Variants in LDLRAD4 observed in about 807,000 individuals in gnomAD.
LDLRAD4 encodes low density lipoprotein receptor class A domain containing 4.
In LDLRAD4, 5 loss-of-function variants were observed where a neutral mutation model predicts 17.0. The ratio of observed to expected loss-of-function variants is 0.29; its 90% CI spans 0.15 to 0.62. LDLRAD4 has a LOEUF of 0.62. Among genes scored for constraint, LDLRAD4 ranks in the 20% least tolerant of loss-of-function variants. LDLRAD4 has a pLI of 0.84. For missense variants in LDLRAD4, 340 were observed against 424.7 expected (o/e 0.80, Z 1.75); for synonymous variants, 168 against 171.8 (o/e 0.98, Z 0.17).
chr18:13,380,418 G>C (rs907436474), intron 1 of LDLRAD4, among the ~76,000 whole-genome samples: 4 of 152,170 alleles, frequency 2.6e-5, no homozygotes, highest in Non-Finnish European at 5.9e-5. Flanking sequence ...CCAGACACCT[G>C]GTTCCAGCCC....
At chr18:13,373,820 T>C (rs1483860488) in intron 1 of LDLRAD4, among the ~76,000 whole-genome samples, 1 of 152,238 alleles carries the variant, frequency 6.6e-6, no homozygotes. Flanking sequence ...TTTTACCTTG[T>C]ACATTTTCAT....
intron 2 of LDLRAD4, among the ~76,000 whole-genome samples, chr18:13,414,433 G>A (rs999226990): frequency 2.0e-5 from 3 of 152,238 alleles, no homozygotes; most frequent in Admixed American, 6.5e-5. Flanking sequence ...AGAGGCCAGA[G>A]GACAGGCAGG....
intron 3 of LDLRAD4, among the ~76,000 whole-genome samples, chr18:13,574,261 T>A (rs1250028116): frequency 6.6e-6 from 1 of 152,146 alleles, no homozygotes; most frequent in East Asian, 1.9e-4. Flanking sequence ...TAGAAAGCCT[T>A]TTAGGGAAAA....
intron 3 of LDLRAD4, among the ~76,000 whole-genome samples, chr18:13,473,604 T>G (rs1312056810): frequency 7.4e-6 from 1 of 134,758 alleles, no homozygotes; most frequent in African/African-American, 2.8e-5. Flanking sequence ...GTCACTACAC[T>G]CCAGTCTGGG....
intron 1 of LDLRAD4, among the ~76,000 whole-genome samples, chr18:13,376,067 G>A (rs2084886857): frequency 1.3e-5 from 2 of 152,148 alleles, no homozygotes; most frequent in African/African-American, 4.8e-5. Flanking sequence ...TGAGGGAACT[G>A]TGTTCACTTC....
chr18:13,583,267 T>C lies in LDLRAD4; in HGVS notation c.182-37850T>C, dbSNP rs186943864. Among the ~76,000 whole-genome samples, 339 of 152,336 alleles carry C rather than the reference T, an allele frequency of 2.2e-3. 2 individuals are homozygous for C. The highest frequency in any genetic ancestry group is 7.8e-4 in the Non-Finnish European group (53 of 68,024). ...TATTTCTTTTATATTCTCTCATTTT[T>C]TTCTAAAACACTGTGAAATTGTTAG... On this transcript the variant is annotated intron_variant, in intron 3 of 5. Transcript: ENST00000359446.
At chr18:13,236,172 G>A (rs544130832) in intron 1 of LDLRAD4, among the ~76,000 whole-genome samples, 37 of 152,244 alleles carry the variant, frequency 2.4e-4, no homozygotes, top group Middle Eastern at 3.4e-3. Flanking sequence ...TCTGGCACCC[G>A]TCGCTCCCGA....
intron 1 of LDLRAD4, among the ~76,000 whole-genome samples, chr18:13,254,641 T>C (rs1405164712): frequency 6.6e-6 from 1 of 152,190 alleles, no homozygotes; most frequent in Non-Finnish European, 1.5e-5. Flanking sequence ...GAAACAAAAA[T>C]GTCCACCTGT....
intron 1 of LDLRAD4, among the ~76,000 whole-genome samples, chr18:13,230,813 C>T (rs1019728086): frequency 6.6e-6 from 1 of 152,188 alleles, no homozygotes; most frequent in Admixed American, 6.5e-5. Flanking sequence ...GCTCCTTTGC[C>T]GCCCTGACTC....
intron 3 of LDLRAD4, among the ~76,000 whole-genome samples, chr18:13,610,265 A>ATTTTTTTTTTTTTTTTTTTTTTTTTT (rs1157718015): frequency 1.6e-5 from 1 of 62,480 alleles, no homozygotes; most frequent in African/African-American, 5.4e-5. Flanking sequence ...CAAAGCCCTA[A>ATTTTTTTTTTTTTTTTTTTTTTTTTT]TTTTTTTTTT....
At chr18:13,328,472 G>T (rs911366572) in intron 1 of LDLRAD4, among the ~76,000 whole-genome samples, 3 of 152,200 alleles carry the variant, frequency 2.0e-5, no homozygotes, top group Non-Finnish European at 4.4e-5. Context: ...CTGGCCGGAG[G>T]CTACACTTCC....
At chr18:13,314,984 G>A (rs1340618891) in intron 1 of LDLRAD4, among the ~76,000 whole-genome samples, 1 of 152,152 alleles carries the variant, frequency 6.6e-6, no homozygotes, top group African/African-American at 2.4e-5. Context: ...AGAATGCTGG[G>A]ATAACAGATG....
At chr18:13,465,294 G>A (rs1274675350) in intron 3 of LDLRAD4, among the ~76,000 whole-genome samples, 1 of 152,214 alleles carries the variant, frequency 6.6e-6, no homozygotes, top group African/African-American at 2.4e-5. Context: ...CTCAGGCTGC[G>A]TGTTTCATTG....
intron 3 of LDLRAD4, among the ~76,000 whole-genome samples, chr18:13,481,195 G>A (rs910913136): frequency 6.6e-6 from 1 of 152,172 alleles, no homozygotes; most frequent in African/African-American, 2.4e-5. Flanking sequence ...TCAGAAGATG[G>A]GCAAATTCTT....
intron 1 of LDLRAD4, among the ~76,000 whole-genome samples, chr18:13,281,541 G>A (rs968071820): frequency 1.3e-5 from 2 of 152,230 alleles, no homozygotes; most frequent in African/African-American, 4.8e-5. Context: ...TCCTGCAGGG[G>A]GTGCCCCGAG....
At chr18:13,609,869 C>G (rs2039326807) in intron 3 of LDLRAD4, among the ~76,000 whole-genome samples, 1 of 152,156 alleles carries the variant, frequency 6.6e-6, no homozygotes, top group Non-Finnish European at 1.5e-5. Context: ...GTAATCCCAG[C>G]TACTCGGGAA....
chr18:13,262,028 GTGGCTCTGTGCATGGAAACTGAGTCC>G (rs2043851986), intron 1 of LDLRAD4, among the ~76,000 whole-genome samples: 1 of 151,282 alleles, frequency 6.6e-6, no homozygotes, highest in Admixed American at 6.6e-5. Context: ...TGAGTCCCGT[GTGGCTCTGTGCATGGAAACTGAGTCC>G]CGTGCGGCTC....
rs141431171 is a variant in LDLRAD4, at chr18:13,641,055, A to G, written c.337-2304A>G. Among the ~76,000 whole-genome samples the G allele has an allele frequency of 5.1e-4, 78 of 152,336 alleles. No individual in the cohort carries two copies. In the East Asian group the frequency reaches 0.013, roughly 25 times the overall value. On this transcript the variant is annotated intron_variant, in intron 4 of 5. Coordinates refer to ENST00000359446, the Ensembl canonical transcript of LDLRAD4. ...GAATGTATACATGTATTACGTGTGT[A>G]GTTTTTTAAAGTACACATATAGAGG...
At position 13,400,141 on chromosome 18, in the gene LDLRAD4, C is replaced by G. The variant is rs1036840246; in HGVS notation, c.40+12379C>G. Reference sequence around the variant, plus strand: ...CACTGGGCTAGGTGCTTGGAAATGACAAAACTGGAAAATATTTCGTGGAAT... The same window carrying G: ...CACTGGGCTAGGTGCTTGGAAATGAGAAAACTGGAAAATATTTCGTGGAAT... On this transcript the variant is annotated intron_variant, in intron 2 of 5. Transcript: ENST00000359446. Among the ~76,000 whole-genome samples the G allele has an allele frequency of 5.3e-5, 8 of 152,222 alleles. No homozygotes were observed. The East Asian group carries it at 9.6e-4, about 18-fold the overall frequency.
Sources: gnomAD v4.1 joint callset for allele counts (sites outside exome capture counted in the v4.1 genomes callset) on GRCh38, gnomAD v4.1.1 for gene constraint, MANE v1.5 for transcripts, NCBI Gene and HGNC (gene_info 2026-07-23, HGNC 2026-07-21) for gene names.